Variants in PCMT1 observed in about 807,000 individuals in gnomAD.
PCMT1 encodes protein-L-isoaspartate(D-aspartate) O-methyltransferase.
Under a neutral mutation model 29.2 loss-of-function variants are expected in PCMT1, and 9 were observed. That is an observed-to-expected ratio of 0.31 (90% confidence interval 0.19 to 0.54). The LOEUF is 0.54. PCMT1 is among the 20% of genes least tolerant of loss of function. The probability of loss-of-function intolerance (pLI) is 0.95; values close to 1 mark genes in which losing one functional copy is unlikely to be tolerated. For synonymous variants in PCMT1, 98 were observed against 97.5 expected, an observed-to-expected ratio of 1.00 and a Z score of -0.03; for missense variants, 184 against 282.2, an observed-to-expected ratio of 0.65 and a Z score of 2.49.
At chr6:149,796,693 C>A (rs1788625503) in intron 6 of PCMT1, 193 bp downstream of exon 6, 2 of 452,136 alleles carry the variant, frequency 4.4e-6, no homozygotes, top group Non-Finnish European at 7.8e-6. Flanking sequence ...AATTACTAAA[C>A]CCCAGTTTGT....
At chr6:149,782,166 C>T (rs1787840765) in intron 3 of PCMT1, among the ~76,000 whole-genome samples, 1 of 152,088 alleles carries the variant, frequency 6.6e-6, no homozygotes, top group African/African-American at 2.4e-5. Flanking sequence ...TCACATGAAA[C>T]ATCTATATGA....
intron 3 of PCMT1, among the ~76,000 whole-genome samples, chr6:149,781,035 T>G (rs1787790877): frequency 6.6e-6 from 1 of 152,114 alleles, no homozygotes; most frequent in South Asian, 2.1e-4. Flanking sequence ...TTAAAAGAAT[T>G]TTATCCATCC....
At chr6:149,793,795 A>G in intron 5 of PCMT1, 126 bp downstream of exon 5, 1 of 786,142 alleles carries the variant, frequency 1.3e-6, no homozygotes, top group Non-Finnish European at 1.8e-6. Context: ...AAGTACTAAA[A>G]AATAAAAACG....
intron 1 of PCMT1, among the ~76,000 whole-genome samples, chr6:149,765,339 G>A (rs1787035936): frequency 8.3e-6 from 1 of 120,842 alleles, no homozygotes; most frequent in East Asian, 2.4e-4. Flanking sequence ...CAGCCTGGGA[G>A]ACAGAGCGAG....
chr6:149,791,484 A>C (rs1788372141), intron 4 of PCMT1, among the ~76,000 whole-genome samples: 1 of 152,228 alleles, frequency 6.6e-6, no homozygotes, highest in African/African-American at 2.4e-5. Context: ...TCGTGCCTGG[A>C]GGACAGATTG....
chr6:149,778,513 G>A (rs540169117), intron 3 of PCMT1, among the ~76,000 whole-genome samples: 3 of 152,058 alleles, frequency 2.0e-5, no homozygotes, highest in African/African-American at 7.2e-5. Flanking sequence ...ACAGGCCTGA[G>A]CCACTGCGTC....
At chr6:149,785,909 A>G (rs1788024441) in intron 3 of PCMT1, among the ~76,000 whole-genome samples, 3 of 151,896 alleles carry the variant, frequency 2.0e-5, no homozygotes, top group Admixed American at 6.5e-5. Flanking sequence ...GCCCGTTCTC[A>G]ATGAGCTGTT....
intron 1 of PCMT1, among the ~76,000 whole-genome samples, chr6:149,752,035 G>GT (rs1786341040): frequency 1.0e-5 from 1 of 97,920 alleles, no homozygotes; most frequent in African/African-American, 3.5e-5. Flanking sequence ...TAATTTTTAG[G>GT]GTTTTTTTTT....
At chr6:149,751,007 G>GC (rs1317805319) in intron 1 of PCMT1, among the ~76,000 whole-genome samples, 11 of 152,020 alleles carry the variant, frequency 7.2e-5, no homozygotes, top group Admixed American at 5.2e-4. Flanking sequence ...TTCCTTAACG[G>GC]CTGGCACCAT....
chr6:149,770,550 C>CA (rs1158206535), intron 1 of PCMT1, among the ~76,000 whole-genome samples: 4 of 151,628 alleles, frequency 2.6e-5, no homozygotes, highest in Admixed American at 2.0e-4. Flanking sequence ...ACTAAAAATA[C>CA]AAAAAATTAG....
Position 149,810,662 on chromosome 6 carries a change from G to T in PCMT1, c.*84G>T. 1 of 1,525,474 alleles carries T rather than the reference G, an allele frequency of 6.6e-7. No homozygotes were observed. The highest frequency in any genetic ancestry group is 8.9e-7 in the Non-Finnish European group (1 of 1,124,804). The allele number at this position is 1,525,474 out of a possible 1,614,324, so 94.5% of individuals were successfully genotyped here. ...TCAGCTTGACCAGTATAAAATTACA[G>T]TGGATTGCTCATCTCAGTCCTCAAA... On this transcript the variant is annotated 3_prime_UTR_variant, in exon 8 of 8. Transcript: ENST00000464889.
At chr6:149,788,920 A>G (rs1242632322) in intron 3 of PCMT1, among the ~76,000 whole-genome samples, 2 of 152,148 alleles carry the variant, frequency 1.3e-5, no homozygotes, top group East Asian at 1.9e-4. Flanking sequence ...TTCATTATGT[A>G]TCTATATATT....
rs1397533064 is a variant in PCMT1, at chr6:149,789,898, A to G, written c.193-56A>G. The G allele has an allele frequency of 1.5e-5, 18 of 1,161,310 alleles. No individual in the cohort carries two copies. In the Admixed American group the frequency reaches 3.9e-4, roughly 25 times the overall value. The allele number at this position is 1,161,310 out of a possible 1,614,324, so 71.9% of individuals were successfully genotyped here. The stretch of plus-strand genomic sequence containing the variant: ...TGGTAGAAAGTTGGCAACTTTATTT[A>G]TATACCATGATGTGTGTACTTTAGT... On this transcript the variant is annotated intron_variant, in intron 3 of 7. Coordinates refer to ENST00000464889, the MANE Select transcript of PCMT1 (RefSeq NM_001360452.2).
chr6:149,807,549 T>G (rs531512783), intron 7 of PCMT1, among the ~76,000 whole-genome samples: 2 of 152,148 alleles, frequency 1.3e-5, no homozygotes, highest in South Asian at 2.1e-4. Context: ...TTTTGTATTT[T>G]TAGTAGAGAC....
chr6:149,785,360 T>C (rs1366468780), intron 3 of PCMT1, among the ~76,000 whole-genome samples: 4 of 149,172 alleles, frequency 2.7e-5, no homozygotes, highest in East Asian at 3.9e-4. Context: ...GTTTTCTTTT[T>C]TTTTTTTTTT....
At chr6:149,771,291 T>A in intron 2 of PCMT1, 25 bp downstream of exon 2, 1 of 1,309,526 alleles carries the variant, frequency 7.6e-7, no homozygotes, top group Non-Finnish European at 1.1e-6. Context: ...TCTGAAAATA[T>A]CATAGTTTTC....
rs191925755 is a variant in PCMT1, at chr6:149,787,170, C to T, written c.193-2784C>T. On this transcript the variant is annotated intron_variant, in intron 3 of 7. Coordinates refer to ENST00000464889, the MANE Select transcript of PCMT1 (RefSeq NM_001360452.2). ...GCGCGCGCCTGCAATCGCAGGCACT[C>T]GGCAGGCTGAGGCAGGAGAATCAGG... Among the ~76,000 whole-genome samples the T allele has an allele frequency of 6.1e-3, 895 of 146,784 alleles. 8 individuals are homozygous for T. Among genetic ancestry groups the T allele is most frequent in the African/African-American group, 0.022 (851 of 38,596 alleles).
intron 7 of PCMT1, among the ~76,000 whole-genome samples, chr6:149,805,238 A>G (rs146905277): frequency 6.6e-6 from 1 of 152,266 alleles, no homozygotes; most frequent in African/African-American, 2.4e-5. Flanking sequence ...ATCTTTAAAA[A>G]ATATATTTAG....
chr6:149,759,154 C>T (rs573319226), intron 1 of PCMT1, among the ~76,000 whole-genome samples: 55 of 152,258 alleles, frequency 3.6e-4, no homozygotes, highest in African/African-American at 1.3e-3. Context: ...GGATTACAGG[C>T]GTGAGCCACC....
Sources: gnomAD v4.1 joint callset for allele counts (sites outside exome capture counted in the v4.1 genomes callset) on GRCh38, gnomAD v4.1.1 for gene constraint, MANE v1.5 for transcripts, NCBI Gene and HGNC (gene_info 2026-07-23, HGNC 2026-07-21) for gene names.